Variants in MARCHF1 observed in about 807,000 individuals in gnomAD.
The protein encoded by MARCHF1 is membrane associated ring-CH-type finger 1.
In MARCHF1, 40 loss-of-function variants were observed where a neutral mutation model predicts 54.2. The ratio of observed to expected loss-of-function variants is 0.74; its 90% CI spans 0.57 to 0.96. The LOEUF (loss-of-function observed/expected upper bound fraction) is 0.96, where lower values mean the gene tolerates loss of function less well. MARCHF1 is among the 40% of genes least tolerant of loss of function. The probability of loss-of-function intolerance (pLI) is 0.00; values close to 1 mark genes in which losing one functional copy is unlikely to be tolerated. For synonymous variants in MARCHF1, 236 were observed against 236.3 expected (o/e 1.00, Z 0.01); for missense variants, 586 against 656.5 (o/e 0.89, Z 1.17).
intron 4 of MARCHF1, among the ~76,000 whole-genome samples, chr4:163,798,900 T>C (rs879574282): frequency 5.9e-5 from 9 of 151,636 alleles, no homozygotes; most frequent in Admixed American, 5.9e-4. Context: ...GAAAGTTACT[T>C]ATGTATAACT....
At chr4:163,702,565 G>T (rs1390979150) in intron 4 of MARCHF1, among the ~76,000 whole-genome samples, 2 of 152,090 alleles carry the variant, frequency 1.3e-5, no homozygotes, top group Non-Finnish European at 2.9e-5. Context: ...TTTTGCATAG[G>T]ATTACTTAAT....
At chr4:163,728,517 T>A (rs1369780142) in intron 4 of MARCHF1, among the ~76,000 whole-genome samples, 2 of 152,194 alleles carry the variant, frequency 1.3e-5, no homozygotes, top group African/African-American at 4.8e-5. Flanking sequence ...CCCCCCATAC[T>A]TTTGTTATAT....
chr4:164,213,494 C>T (rs1450581170), intron 1 of MARCHF1, among the ~76,000 whole-genome samples: 1 of 151,864 alleles, frequency 6.6e-6, no homozygotes, highest in Non-Finnish European at 1.5e-5. Context: ...CTCGGCCTCC[C>T]AAAGTGCTGG....
chr4:163,788,002 A>G (rs1747669424), intron 4 of MARCHF1, among the ~76,000 whole-genome samples: 1 of 152,004 alleles, frequency 6.6e-6, no homozygotes, highest in African/African-American at 2.4e-5. Context: ...GTATACTTTG[A>G]CGTATCTAAA....
At chr4:164,065,993 C>T (rs182901042) in intron 2 of MARCHF1, among the ~76,000 whole-genome samples, 59 of 152,292 alleles carry the variant, frequency 3.9e-4, no homozygotes, top group African/African-American at 1.3e-3. Context: ...CTTCCTCACC[C>T]AGTCCACTGA....
chr4:164,326,957 TTGTGTG>T (rs370504086), intron 1 of MARCHF1, among the ~76,000 whole-genome samples: 2,226 of 133,692 alleles, frequency 0.017, 28 homozygotes, highest in South Asian at 0.077. Context: ...GTTGTAAGGA[TTGTGTG>T]TGTGTGTGTG....
intron 2 of MARCHF1, among the ~76,000 whole-genome samples, chr4:164,109,987 AG>A (rs1169453822): frequency 1.3e-5 from 2 of 151,006 alleles, no homozygotes; most frequent in Non-Finnish European, 3.0e-5. Context: ...ATGCAACACC[AG>A]ATCTCTTTGC....
intron 1 of MARCHF1, among the ~76,000 whole-genome samples, chr4:164,241,834 A>T (rs1732769839): frequency 6.6e-6 from 1 of 152,210 alleles, no homozygotes; most frequent in South Asian, 2.1e-4. Flanking sequence ...GAGGTCAGGG[A>T]GTTCCCTTTC....
rs192121708 is a variant in MARCHF1, at chr4:164,285,950, T to A, written c.-323+97920A>T. ...TAAAAAAATTATGATCTGGACTACC[T>A]CGGGTCTCATCTTACCCCTTCAGCA... On this transcript the variant is annotated intron_variant, in intron 1 of 9. Transcript: ENST00000514618. 3.1e-3 allele frequency among the ~76,000 whole-genome samples: 476 copies of A among 151,824 alleles called. 1 individual carries two copies. Among genetic ancestry groups the A allele is most frequent in the Non-Finnish European group, 5.2e-3 (350 of 67,954 alleles).
At chr4:163,913,334 T>TCTG (rs1751236964) in intron 3 of MARCHF1, among the ~76,000 whole-genome samples, 2 of 152,178 alleles carry the variant, frequency 1.3e-5, no homozygotes, top group South Asian at 4.1e-4. Flanking sequence ...CAAAGAGGGA[T>TCTG]CTGCTTCTGT....
intron 9 of MARCHF1, among the ~76,000 whole-genome samples, chr4:163,533,898 T>G (rs1278270625): frequency 5.3e-5 from 8 of 151,878 alleles, no homozygotes; most frequent in Non-Finnish European, 5.9e-5. Flanking sequence ...CAATGGAGTT[T>G]ATTGTGCCTA....
chr4:164,257,598 A>G (rs1733329214), intron 1 of MARCHF1, among the ~76,000 whole-genome samples: 1 of 151,854 alleles, frequency 6.6e-6, no homozygotes, highest in East Asian at 1.9e-4. Flanking sequence ...TGAAAAATGT[A>G]AAATATATAA....
At chr4:164,115,440 A>T (rs973702962) in intron 1 of MARCHF1, among the ~76,000 whole-genome samples, 5 of 152,086 alleles carry the variant, frequency 3.3e-5, no homozygotes, top group Non-Finnish European at 7.4e-5. Flanking sequence ...TGTTCAGAAG[A>T]TCATCCAAGA....
At chr4:163,946,750 G>T (rs1752034445) in intron 3 of MARCHF1, among the ~76,000 whole-genome samples, 1 of 152,200 alleles carries the variant, frequency 6.6e-6, no homozygotes, top group Admixed American at 6.5e-5. Flanking sequence ...TGTGGCCATG[G>T]TTTTAAAGGC....
At chr4:164,249,535 T>A (rs940180973) in intron 1 of MARCHF1, among the ~76,000 whole-genome samples, 1 of 152,020 alleles carries the variant, frequency 6.6e-6, no homozygotes, top group African/African-American at 2.4e-5. Flanking sequence ...CTGTCCTAAA[T>A]CTAAAACATT....
intron 1 of MARCHF1, among the ~76,000 whole-genome samples, chr4:164,269,416 T>C (rs9684315): frequency 0.98 from 148,819 of 151,352 alleles, 73,173 homozygotes; most frequent in East Asian, 1. Context: ...GCATCAGGCC[T>C]TGTGACCAAT....
At chr4:164,248,760 G>A (rs956841067) in intron 1 of MARCHF1, among the ~76,000 whole-genome samples, 6 of 151,754 alleles carry the variant, frequency 4.0e-5, no homozygotes, top group African/African-American at 1.5e-4. Context: ...TATATTACTG[G>A]CAACATCTCA....
intron 1 of MARCHF1, among the ~76,000 whole-genome samples, chr4:164,293,725 CTT>C (rs1258729355): frequency 1.3e-5 from 2 of 152,214 alleles, no homozygotes; most frequent in Non-Finnish European, 2.9e-5. Context: ...TCGAGTGACT[CTT>C]TGTTATAAAA....
intron 3 of MARCHF1, among the ~76,000 whole-genome samples, chr4:163,892,571 C>T (rs1258292034): frequency 7.0e-6 from 1 of 142,276 alleles, no homozygotes; most frequent in Non-Finnish European, 1.5e-5. Context: ...CACATGTACC[C>T]TAAAACTTAA....
Sources: allele counts gnomAD v4.1 joint callset (sites outside exome capture counted in the v4.1 genomes callset), GRCh38; gene constraint gnomAD v4.1.1; transcripts MANE v1.5; gene names NCBI Gene and HGNC (gene_info 2026-07-23, HGNC 2026-07-21).